Variants in NPEPPS observed in about 807,000 individuals in gnomAD.
NPEPPS encodes aminopeptidase puromycin sensitive.
NPEPPS carries 14 observed loss-of-function variants against 115.5 expected under a neutral mutation model. That is an observed-to-expected ratio of 0.12 (90% CI 0.08 to 0.19). The LOEUF is 0.19. Ranked by LOEUF, NPEPPS falls within the 10% of genes least tolerant of loss-of-function variation. The pLI is 1.00. For synonymous variants in NPEPPS, 285 were observed against 390.6 expected, an observed-to-expected ratio of 0.73 and a Z score of 3.19; for missense variants, 523 against 1,110.8, an observed-to-expected ratio of 0.47 and a Z score of 7.52.
At chr17:47,550,277 A>AT (rs1290463618) in intron 2 of NPEPPS, among the ~76,000 whole-genome samples, 2 of 145,114 alleles carry the variant, frequency 1.4e-5, no homozygotes, top group African/African-American at 2.5e-5. Context: ...GAAAAAGGCC[A>AT]TTTTTTTGTG....
chr17:47,582,563 G>A (rs1157874445), intron 4 of NPEPPS, 179 bp from the exon 5 acceptor site: 2 of 653,768 alleles, frequency 3.1e-6, no homozygotes, highest in Non-Finnish European at 5.6e-6. Flanking sequence ...TGGAATGGCA[G>A]TGGTAGCAAG....
rs534848869 is a variant in NPEPPS, at chr17:47,535,220, G to A, written c.255+3665G>A. On this transcript the variant is annotated intron_variant, in intron 1 of 22. Coordinates refer to ENST00000322157, the MANE Select transcript of NPEPPS (RefSeq NM_006310.4). ...ATTGCGCCACTGCACTCCAGCCTGG[G>A]CAACAGAGCAAGACTCTGTCTCAAA... Among the ~76,000 whole-genome samples, 16 of 108,858 alleles carry A rather than the reference G, an allele frequency of 1.5e-4. No individual in the cohort carries two copies. In the East Asian group the frequency reaches 3.4e-3, roughly 23 times the overall value. The allele number at this position is 108,858 out of a possible 152,430, so 71.4% of individuals were successfully genotyped here. A position where few individuals can be genotyped will look rare whatever the true frequency, so the allele number is the denominator to read the frequency against.
At chr17:47,563,453 T>C (rs763481206) in intron 2 of NPEPPS, among the ~76,000 whole-genome samples, 12 of 152,256 alleles carry the variant, frequency 7.9e-5, no homozygotes, top group Non-Finnish European at 1.5e-4. Flanking sequence ...TTTAAAATGC[T>C]TATTATATTT....
intron 1 of NPEPPS, among the ~76,000 whole-genome samples, chr17:47,543,348 T>C (rs1908925839): frequency 1.3e-5 from 2 of 151,900 alleles, no homozygotes; most frequent in African/African-American, 4.8e-5. Flanking sequence ...GACAAAGTTT[T>C]GCTCTTGTTG....
At position 47,531,109 on chromosome 17, in the gene NPEPPS, C is replaced by T. The variant is rs1907708369; in HGVS notation, c.-192C>T. The T allele has an allele frequency of 4.0e-6, 3 of 756,490 alleles. No individual in the cohort carries two copies. The highest frequency in any genetic ancestry group is 4.5e-5 in the Admixed American group (1 of 22,002). The allele number at this position is 756,490 out of a possible 1,614,324, so 46.9% of individuals were successfully genotyped here. On this transcript the variant is annotated 5_prime_UTR_variant, in exon 1 of 23. Coordinates refer to ENST00000322157, the MANE Select transcript of NPEPPS (RefSeq NM_006310.4). Reference sequence around the variant, plus strand: ...GCCGCGCACGCAGCCGCCGCCACCACTTCCCCCTCTCCCTCCCTCCTTGCG... The same window carrying T: ...GCCGCGCACGCAGCCGCCGCCACCATTTCCCCCTCTCCCTCCCTCCTTGCG...
At chr17:47,543,462 C>T (rs1567838180) in intron 1 of NPEPPS, among the ~76,000 whole-genome samples, 2 of 149,970 alleles carry the variant, frequency 1.3e-5, no homozygotes, top group South Asian at 2.1e-4. Context: ...GGATTACAGG[C>T]GCGCACCACA....
chr17:47,620,746 A>G (rs1448139982), intron 22 of NPEPPS, among the ~76,000 whole-genome samples: 1 of 152,230 alleles, frequency 6.6e-6, no homozygotes, highest in Non-Finnish European at 1.5e-5. Context: ...ACCTGTGGTG[A>G]CTAATTCAAA....
chr17:47,608,403 G>A (rs1356222976), intron 17 of NPEPPS, among the ~76,000 whole-genome samples: 2 of 147,624 alleles, frequency 1.4e-5, no homozygotes, highest in African/African-American at 2.5e-5. Flanking sequence ...GCAGTGAGCC[G>A]AGATTGCGCC....
upstream of NPEPPS, among the ~76,000 whole-genome samples, chr17:47,530,815 G>A (rs1019657540): frequency 3.3e-5 from 5 of 152,042 alleles, no homozygotes; most frequent in African/African-American, 4.8e-5. Context: ...ATGCGACCCT[G>A]GCTGAACTGA....
At chr17:47,596,097 G>C in intron 12 of NPEPPS, 1 of 272,600 alleles carries the variant, frequency 3.7e-6, no homozygotes, top group Non-Finnish European at 7.0e-6. Context: ...AGGCTGCAGT[G>C]AGCTGTGATT....
chr17:47,577,647 A>G (rs62073987), intron 3 of NPEPPS, among the ~76,000 whole-genome samples: 25,284 of 152,092 alleles, frequency 0.17, 2,729 homozygotes, highest in Admixed American at 0.28. Context: ...AAACATCACA[A>G]ATGTCTTCAA....
At chr17:47,602,247 A>G (rs1453232192) in intron 15 of NPEPPS, among the ~76,000 whole-genome samples, 1 of 152,224 alleles carries the variant, frequency 6.6e-6, no homozygotes, top group Non-Finnish European at 1.5e-5. Flanking sequence ...TGTACCTTTC[A>G]TAATGAAAGT....
At chr17:47,553,860 C>T (rs1204064920) in intron 2 of NPEPPS, among the ~76,000 whole-genome samples, 2 of 151,430 alleles carry the variant, frequency 1.3e-5, no homozygotes, top group African/African-American at 4.9e-5. Context: ...AAGCGATTCT[C>T]CTGCCCTAGC....
intron 12 of NPEPPS, chr17:47,595,967 G>C (rs1912840398): frequency 7.9e-6 from 1 of 127,178 alleles, no homozygotes; most frequent in South Asian, 2.6e-4. Flanking sequence ...GGGCAACAGA[G>C]CAAGACTCCA....
At chr17:47,548,769 G>T (rs1474749280) in intron 2 of NPEPPS, among the ~76,000 whole-genome samples, 1 of 151,296 alleles carries the variant, frequency 6.6e-6, no homozygotes, top group Non-Finnish European at 1.5e-5. Flanking sequence ...TAGAGATGGG[G>T]TTTCACCATG....
At chr17:47,571,801 G>C (rs1243991493) in intron 3 of NPEPPS, among the ~76,000 whole-genome samples, 2 of 152,052 alleles carry the variant, frequency 1.3e-5, no homozygotes, top group African/African-American at 4.8e-5. Flanking sequence ...TGAAAAGGAA[G>C]GAGATTCTTC....
intron 19 of NPEPPS, 51 bp from the exon 20 acceptor site, chr17:47,618,299 G>T: frequency 8.1e-7 from 1 of 1,232,848 alleles, no homozygotes; most frequent in East Asian, 2.3e-5. Context: ...ATCATATGCA[G>T]AACATCCAAG....
At chr17:47,527,790 A>C (rs1907499341), upstream of NPEPPS, among the ~76,000 whole-genome samples, 1 of 151,934 alleles carries the variant, frequency 6.6e-6, no homozygotes, top group Admixed American at 6.6e-5. Context: ...TAAAACTAAA[A>C]ATACAAAAAT....
At chr17:47,602,637 C>CAA (rs753076891) in intron 15 of NPEPPS, among the ~76,000 whole-genome samples, 19 of 51,834 alleles carry the variant, frequency 3.7e-4, no homozygotes, top group South Asian at 6.3e-4. Flanking sequence ...GACGCCATCT[C>CAA]AAAAAAAAAA....
Sources: allele counts gnomAD v4.1 joint callset (sites outside exome capture counted in the v4.1 genomes callset), GRCh38; gene constraint gnomAD v4.1.1; transcripts MANE v1.5; gene names NCBI Gene and HGNC (gene_info 2026-07-23, HGNC 2026-07-21).